Variants in KIF21A observed in about 807,000 individuals in gnomAD.
KIF21A encodes kinesin family member 21A, also known as kinesin-like protein KIF21A.
Under a neutral mutation model 202.9 loss-of-function variants are expected in KIF21A, and 114 were observed. That is an observed-to-expected ratio of 0.56 (90% CI 0.48 to 0.66). The LOEUF is 0.66. KIF21A is among the 30% of genes least tolerant of loss of function. The pLI, the probability that KIF21A is intolerant of heterozygous loss-of-function variation, is 0.00. For synonymous variants in KIF21A, 667 were observed against 670.8 expected, an observed-to-expected ratio of 0.99 and a Z score of 0.09; for missense variants, 1,677 against 1,994.9, an observed-to-expected ratio of 0.84 and a Z score of 3.04.
chr12:39,396,907 G>T lies in KIF21A; in HGVS notation c.45-26646C>A, dbSNP rs533423011. Among the ~76,000 whole-genome samples the T allele has an allele frequency of 3.3e-5, 5 of 152,044 alleles. No homozygotes were observed. The East Asian group carries it at 9.6e-4, about 29-fold the overall frequency. On this transcript the variant is annotated intron_variant, in intron 1 of 37. Transcript: ENST00000361418. ...ATAAACTACTGACACATGCCACAAC[G>T]TGAATAAACCCCAAAAACATAATGC...
chr12:39,295,580 A>C (rs1279427327), intron 37 of KIF21A, among the ~76,000 whole-genome samples: 5 of 152,122 alleles, frequency 3.3e-5, no homozygotes, highest in African/African-American at 1.2e-4. Context: ...TGATAACAGC[A>C]ATGGAATATT....
rs1271434698 is a variant in KIF21A at position 39,370,092 on chromosome 12, G to A, written c.214C>T (p.Leu72=). The A allele has an allele frequency of 8.7e-6, 14 of 1,613,616 alleles. No individual in the cohort carries two copies. The highest frequency in any genetic ancestry group is 8.5e-7 in the Non-Finnish European group (1 of 1,179,792). Residue 72 remains leucine (L), a synonymous_variant, in exon 2 of 38, where the codon CTA becomes TTA. Coordinates refer to ENST00000361418, the MANE Select transcript of KIF21A (RefSeq NM_001173464.2). ...TATCCTTCAAAGCAACCTTCAATTA[G>A]TTTTTCTATACATTGAATGTAGATC... ...EQIYIQCIEK[L]IEGCFEGYNA... is the part of the protein sequence containing the mutation.
intron 1 of KIF21A, among the ~76,000 whole-genome samples, chr12:39,409,799 G>A (rs1391658813): frequency 1.3e-5 from 2 of 151,364 alleles, no homozygotes; most frequent in South Asian, 2.1e-4. Flanking sequence ...ACAAGGCAAC[G>A]TGAATCTGGA....
chr12:39,371,291 A>C (rs1244659230), intron 1 of KIF21A, among the ~76,000 whole-genome samples: 3 of 152,116 alleles, frequency 2.0e-5, no homozygotes, highest in Non-Finnish European at 4.4e-5. Context: ...TGAAAGTTCT[A>C]ATATCTTCTC....
At chr12:39,318,312 T>G in intron 28 of KIF21A, 111 bp from the exon 29 acceptor site, 1 of 954,896 alleles carries the variant, frequency 1.0e-6, no homozygotes, top group Non-Finnish European at 1.6e-6. Context: ...GAGAACTCCT[T>G]CTTTCCTTTC....
chr12:39,407,488 A>C (rs375082570), intron 1 of KIF21A, among the ~76,000 whole-genome samples: 2 of 152,166 alleles, frequency 1.3e-5, no homozygotes, highest in Non-Finnish European at 2.9e-5. Context: ...TTATCATATA[A>C]CCAAATCCAA....
chr12:39,379,868 C>G (rs1171984909), intron 1 of KIF21A, among the ~76,000 whole-genome samples: 1 of 152,206 alleles, frequency 6.6e-6, no homozygotes, highest in Non-Finnish European at 1.5e-5. Context: ...CTGTTCTCCC[C>G]CAAACATTCC....
intron 1 of KIF21A, among the ~76,000 whole-genome samples, chr12:39,437,828 A>G (rs979887604): frequency 6.6e-6 from 1 of 152,204 alleles, no homozygotes; most frequent in African/African-American, 2.4e-5. Flanking sequence ...AAAGGAATAA[A>G]TAACCAAACA....
chr12:39,418,731 G>A (rs1456038630), intron 1 of KIF21A, among the ~76,000 whole-genome samples: 1 of 152,168 alleles, frequency 6.6e-6, no homozygotes, highest in Admixed American at 6.5e-5. Flanking sequence ...TATGACAAAT[G>A]ATGATGTTAC....
intron 27 of KIF21A, 53 bp downstream of exon 27, chr12:39,322,615 T>C (rs1945400899): frequency 4.5e-6 from 4 of 883,228 alleles, no homozygotes; most frequent in South Asian, 3.8e-5. Flanking sequence ...ACATGCATAC[T>C]TTTTTTTTTA....
chr12:39,321,539 C>T (rs1945260675), intron 27 of KIF21A: 1 of 152,208 alleles, frequency 6.6e-6, no homozygotes, highest in Non-Finnish European at 1.5e-5. Flanking sequence ...TTCTGGTTAG[C>T]AATCTCTAAC....
chr12:39,352,365 A>G (rs1948456630), intron 10 of KIF21A, among the ~76,000 whole-genome samples: 1 of 152,182 alleles, frequency 6.6e-6, no homozygotes, highest in Non-Finnish European at 1.5e-5. Flanking sequence ...ACTAAATAAA[A>G]TTCTCACAAA....
intron 11 of KIF21A, among the ~76,000 whole-genome samples, chr12:39,347,625 C>T (rs2138573302): frequency 6.6e-6 from 1 of 152,086 alleles, no homozygotes; most frequent in African/African-American, 2.4e-5. Context: ...TGATTGTTTT[C>T]ACATCAACTT....
rs566994063 is a variant in KIF21A, at chr12:39,428,953, T to C, written c.44+13974A>G. 2.7e-3 allele frequency among the ~76,000 whole-genome samples: 394 copies of C among 143,388 alleles called. 1 individual carries two copies. The highest frequency in any genetic ancestry group is 0.017 in the South Asian group (75 of 4,390). 94.1% of individuals were successfully genotyped at this position (143,388 alleles called of 152,430 possible). The stretch of plus-strand genomic sequence containing the variant: ...AGCCTGGTGACAGAGAGAGACTCCG[T>C]CTCAAAAAAAAAAAAAAAAGGACTT... On this transcript the variant is annotated intron_variant, in intron 1 of 37. Coordinates refer to ENST00000361418, the MANE Select transcript of KIF21A (RefSeq NM_001173464.2).
chr12:39,314,887 GA>G (rs527244208), intron 31 of KIF21A, among the ~76,000 whole-genome samples: 49 of 150,936 alleles, frequency 3.2e-4, no homozygotes, highest in Non-Finnish European at 6.5e-4. Flanking sequence ...AGTCTTTTGA[GA>G]AAAAAAATCT....
chr12:39,299,822 C>CT (rs1942794966), intron 37 of KIF21A, among the ~76,000 whole-genome samples: 1 of 152,060 alleles, frequency 6.6e-6, no homozygotes, highest in African/African-American at 2.4e-5. Context: ...GGAGCTGAGA[C>CT]TATTATCCTT....
chr12:39,355,231 T>C (rs559717655), intron 10 of KIF21A, among the ~76,000 whole-genome samples: 3 of 152,166 alleles, frequency 2.0e-5, no homozygotes, highest in Non-Finnish European at 4.4e-5. Context: ...ACTCAAGACT[T>C]TGAAGAAGGA....
chr12:39,332,209 CAA>C lies in KIF21A; in HGVS notation c.3051+3_3051+4del. The C allele has an allele frequency of 6.2e-7, 1 of 1,612,746 alleles. No homozygotes were observed. The highest frequency in any genetic ancestry group is 1.3e-5 in the African/African-American group (1 of 74,996). On this transcript the variant is annotated splice_donor_region_variant and intron_variant, in intron 21 of 37. Coordinates refer to ENST00000361418, the MANE Select transcript of KIF21A (RefSeq NM_001173464.2). ...AACCATTACGCTTTTTTAAAAATTA[CAA>C]ACCTTTGCTTCTTCCATCTGCATTA...
chr12:39,439,771 G>A (rs1229857134), intron 1 of KIF21A, among the ~76,000 whole-genome samples: 1 of 152,108 alleles, frequency 6.6e-6, no homozygotes, highest in Non-Finnish European at 1.5e-5. Context: ...CAAATATACT[G>A]TAAAAAGGTA....
Sources: gnomAD v4.1 joint callset for allele counts (sites outside exome capture counted in the v4.1 genomes callset) on GRCh38, gnomAD v4.1.1 for gene constraint, MANE v1.5 for transcripts, NCBI Gene and HGNC (gene_info 2026-07-23, HGNC 2026-07-21) for gene names.